The following ANO4 variants were observed in gnomAD, a reference collection of about 807,000 sequenced individuals.
ANO4 encodes the protein anoctamin 4.
ANO4 carries 69 observed loss-of-function variants against 141.9 expected under a neutral mutation model. The observed-to-expected ratio is 0.49, with a 90% CI of 0.40 to 0.59. ANO4 has a LOEUF of 0.59. Ranked by LOEUF, ANO4 falls within the 20% of genes least tolerant of loss-of-function variation. ANO4 has a pLI of 0.00. For missense variants in ANO4, 894 were observed against 1,162.2 expected (o/e 0.77, Z 3.36); for synonymous variants, 350 against 394.3 (o/e 0.89, Z 1.33).
intron 1 of ANO4, among the ~76,000 whole-genome samples, chr12:100,821,517 G>A (rs565492638): frequency 7.4e-4 from 112 of 152,002 alleles, no homozygotes; most frequent in Non-Finnish European, 1.4e-3. Flanking sequence ...ATGCTTTCAG[G>A]TAATCATAGA....
chr12:101,061,968 T>C (rs887784052), intron 14 of ANO4, among the ~76,000 whole-genome samples: 2 of 152,098 alleles, frequency 1.3e-5, no homozygotes, highest in Non-Finnish European at 2.9e-5. Flanking sequence ...GCATTCTGGT[T>C]TTTGGAATTT....
intron 1 of ANO4, among the ~76,000 whole-genome samples, chr12:100,829,385 G>A (rs550113819): frequency 6.6e-6 from 1 of 152,124 alleles, no homozygotes; most frequent in East Asian, 1.9e-4. Flanking sequence ...ATAACCATCA[G>A]CACAAAGAAT....
At position 101,080,884 on chromosome 12, in the gene ANO4, T is replaced by TA. The variant is rs1566219617; in HGVS notation, c.1395+1610dup. Among the ~76,000 whole-genome samples, 40 of 29,712 alleles carry TA rather than the reference T, an allele frequency of 1.3e-3. 1 individual carries two copies. The South Asian group carries it at 0.097, about 72-fold the overall frequency. 19.5% of individuals were successfully genotyped at this position (29,712 alleles called of 152,430 possible). ...GTTCTAGATATATATATATATATATTATATATATATATATATACATACACA... is the reference window on the plus strand; with the variant it reads ...GTTCTAGATATATATATATATATATTAATATATATATATATATACATACACA... On this transcript the variant is annotated intron_variant, in intron 15 of 27. Coordinates refer to ENST00000392977, the MANE Select transcript of ANO4 (RefSeq NM_001286615.2).
In ANO4 at chr12:101,126,754, G is replaced by A. The variant is rs527681139; in HGVS notation, c.2677-125G>A. The stretch of plus-strand genomic sequence containing the variant: ...TGTCCTATCATCTTGCATTACACAC[G>A]CCTCCCCTGGTCACTTTGCACTCTC... On this transcript the variant is annotated intron_variant, in intron 26 of 27. Transcript: ENST00000392977. 51 of 787,626 alleles carry A rather than the reference G, an allele frequency of 6.5e-5. No individual in the cohort carries two copies. The African/African-American group carries it at 7.0e-4, about 11-fold the overall frequency. 48.8% of individuals were successfully genotyped at this position (787,626 alleles called of 1,614,324 possible).
chr12:101,028,116 A>G (rs1222319073), intron 9 of ANO4, among the ~76,000 whole-genome samples: 1 of 152,222 alleles, frequency 6.6e-6, no homozygotes, highest in Non-Finnish European at 1.5e-5. Context: ...AAAAACAAAC[A>G]GAAAGCAACA....
At chr12:100,835,409 G>A (rs2036856570) in intron 1 of ANO4, among the ~76,000 whole-genome samples, 2 of 152,100 alleles carry the variant, frequency 1.3e-5, no homozygotes, top group South Asian at 4.1e-4. Flanking sequence ...AAATAGGAAA[G>A]CCACAGACGG....
chr12:100,823,508 A>G (rs937338290), intron 1 of ANO4, among the ~76,000 whole-genome samples: 5 of 151,998 alleles, frequency 3.3e-5, no homozygotes, highest in African/African-American at 1.2e-4. Flanking sequence ...TGGGACATAT[A>G]TTGCTTCTAT....
At chr12:100,780,882 T>C (rs1370568798) in intron 3 of ANO4, among the ~76,000 whole-genome samples, 1 of 152,208 alleles carries the variant, frequency 6.6e-6, no homozygotes, top group Non-Finnish European at 1.5e-5. Flanking sequence ...TCACAAGGAA[T>C]CTGTTGGTCA....
intron 5 of ANO4, among the ~76,000 whole-genome samples, chr12:100,945,180 T>A (rs2042675030): frequency 6.6e-6 from 1 of 152,190 alleles, no homozygotes; most frequent in African/African-American, 2.4e-5. Context: ...CACAGACAGA[T>A]GCTTATGTTT....
intron 3 of ANO4, among the ~76,000 whole-genome samples, chr12:100,786,068 G>C (rs919523539): frequency 1.3e-5 from 2 of 152,104 alleles, no homozygotes; most frequent in Non-Finnish European, 2.9e-5. Flanking sequence ...GAAATGAGGG[G>C]AAATTCTATA....
intron 1 of ANO4, among the ~76,000 whole-genome samples, chr12:100,721,023 C>G (rs1168389482): frequency 1.3e-5 from 2 of 152,194 alleles, no homozygotes; most frequent in Admixed American, 1.3e-4. Context: ...CATTTCCCCT[C>G]CCATGACTTC....
chr12:101,116,604 A>T, intron 24 of ANO4, 75 bp from the exon 25 acceptor site: 1 of 1,604,780 alleles, frequency 6.2e-7, no homozygotes, highest in Admixed American at 1.7e-5. Context: ...GACGTCTGGG[A>T]AGCAGGGTCT....
chr12:101,093,954 G>A (rs1008693119), intron 17 of ANO4, among the ~76,000 whole-genome samples: 1 of 152,062 alleles, frequency 6.6e-6, no homozygotes, highest in Non-Finnish European at 1.5e-5. Flanking sequence ...CTAGAAAGCT[G>A]GTAATGAATA....
chr12:100,899,905 C>A (rs2040510309), intron 1 of ANO4, among the ~76,000 whole-genome samples: 1 of 152,020 alleles, frequency 6.6e-6, no homozygotes, highest in South Asian at 2.1e-4. Context: ...ATAAAGAAAC[C>A]TGAGACTCAG....
chr12:101,110,698 G>A, intron 23 of ANO4, 142 bp downstream of exon 23: 2 of 702,460 alleles, frequency 2.8e-6, no homozygotes, highest in Middle Eastern at 4.6e-4. Flanking sequence ...AATTATATTA[G>A]TTTTAAATAA....
At chr12:100,912,995 G>C (rs1205240457) in intron 2 of ANO4, among the ~76,000 whole-genome samples, 1 of 152,102 alleles carries the variant, frequency 6.6e-6, no homozygotes, top group Non-Finnish European at 1.5e-5. Context: ...CAATAGGTGG[G>C]GGTGCTTAGG....
chr12:101,001,901 A>G (rs749331443), intron 8 of ANO4, among the ~76,000 whole-genome samples: 3 of 152,120 alleles, frequency 2.0e-5, no homozygotes, highest in Non-Finnish European at 4.4e-5. Flanking sequence ...TCTGTGGGGA[A>G]AAACCTGATT....
chr12:100,836,143 A>G (rs1197709606), intron 1 of ANO4, among the ~76,000 whole-genome samples: 2 of 152,024 alleles, frequency 1.3e-5, no homozygotes, highest in East Asian at 1.9e-4. Context: ...TATACGTTTT[A>G]CTTCCTTTCC....
intron 3 of ANO4, among the ~76,000 whole-genome samples, chr12:100,755,070 G>A (rs192532933): frequency 1.9e-4 from 29 of 152,270 alleles, no homozygotes; most frequent in Admixed American, 1.7e-3. Flanking sequence ...AAATAAATGT[G>A]TGTCCTTCTA....
Sources: gnomAD v4.1 joint callset for allele counts (sites outside exome capture counted in the v4.1 genomes callset) on GRCh38, gnomAD v4.1.1 for gene constraint, MANE v1.5 for transcripts, NCBI Gene and HGNC (gene_info 2026-07-23, HGNC 2026-07-21) for gene names.